The following OLA1 variants were observed in gnomAD, a reference collection of about 807,000 sequenced individuals.
OLA1 encodes the protein obg-like ATPase 1.
In OLA1, 14 loss-of-function variants were observed where a neutral mutation model predicts 48.4. The ratio of observed to expected loss-of-function variants is 0.29; its 90% CI spans 0.19 to 0.45. The LOEUF is 0.45. Among genes scored for constraint, OLA1 ranks in the 20% least tolerant of loss-of-function variants. The pLI is 1.00. For synonymous variants in OLA1, 127 were observed against 150.4 expected (o/e 0.84, Z 1.14); for missense variants, 325 against 467.1 (o/e 0.70, Z 2.80).
intron 4 of OLA1, among the ~76,000 whole-genome samples, chr2:174,208,784 C>A (rs1559005867): frequency 6.6e-6 from 1 of 152,208 alleles, no homozygotes; most frequent in Non-Finnish European, 1.5e-5. Context: ...TCCACACACA[C>A]AACTTCTTAT....
chr2:174,072,643 C>A lies in OLA1; in HGVS notation c.*2783G>T, dbSNP rs983843384. The A allele has an allele frequency of 6.6e-6, 1 of 152,110 alleles. No individual in the cohort carries two copies. Among genetic ancestry groups the A allele is most frequent in the Non-Finnish European group, 1.5e-5 (1 of 68,014 alleles). 9.4% of individuals were successfully genotyped at this position (152,110 alleles called of 1,614,324 possible). On this transcript the variant is annotated 3_prime_UTR_variant, in exon 11 of 11. Coordinates refer to ENST00000284719, the MANE Select transcript of OLA1 (RefSeq NM_013341.5). ...TAGAAGAGGCAGGAGGAGGAGATAC[C>A]GTCTCTGACTCTCTGAATGAAAGGA...
chr2:174,208,112 A>C (rs577771431), intron 4 of OLA1, among the ~76,000 whole-genome samples: 34 of 152,310 alleles, frequency 2.2e-4, no homozygotes, highest in African/African-American at 8.2e-4. Flanking sequence ...TTATAAATAC[A>C]GCAAAAAAAT....
At position 174,129,967 on chromosome 2, in the gene OLA1, T is replaced by C. The variant is rs550498385; in HGVS notation, c.550-6292A>G. 7.8e-4 allele frequency among the ~76,000 whole-genome samples: 119 copies of C among 152,230 alleles called. 1 individual carries two copies. In the Middle Eastern group the frequency reaches 0.017, roughly 22 times the overall value. On this transcript the variant is annotated intron_variant, in intron 5 of 10. Transcript: ENST00000284719. The stretch of plus-strand genomic sequence containing the variant: ...GATGAACTGACTTATGCTGGTTAGG[T>C]AGCTTTAACAAAGACAGCCAACAAT...
chr2:174,097,965 G>A (rs1412759105), intron 7 of OLA1, among the ~76,000 whole-genome samples: 1 of 152,124 alleles, frequency 6.6e-6, no homozygotes, highest in Non-Finnish European at 1.5e-5. Flanking sequence ...TCATAAAGGA[G>A]TAGACACTGA....
intron 4 of OLA1, among the ~76,000 whole-genome samples, chr2:174,173,117 T>C (rs182891134): frequency 1.3e-5 from 2 of 152,302 alleles, no homozygotes; most frequent in Non-Finnish European, 2.9e-5. Flanking sequence ...ATTACCCAGC[T>C]TCAGGTGTTT....
chr2:174,209,622 G>C (rs1184362738), intron 4 of OLA1, among the ~76,000 whole-genome samples: 2 of 152,068 alleles, frequency 1.3e-5, no homozygotes, highest in African/African-American at 4.8e-5. Context: ...GATTCAAGAA[G>C]TAGGGGCAAA....
intron 4 of OLA1, among the ~76,000 whole-genome samples, chr2:174,192,671 G>C (rs1022754061): frequency 3.3e-5 from 5 of 152,088 alleles, no homozygotes; most frequent in South Asian, 2.1e-4. Context: ...ATTTCTTGTA[G>C]AGTAGGTCTA....
At chr2:174,156,578 C>CTTTTTTTT (rs5836451) in intron 4 of OLA1, among the ~76,000 whole-genome samples, 2 of 74,202 alleles carry the variant, frequency 2.7e-5, no homozygotes, top group Non-Finnish European at 5.1e-5. Context: ...CTCCCACACT[C>CTTTTTTTT]TTTTTTTTTT....
intron 2 of OLA1, among the ~76,000 whole-genome samples, chr2:174,235,320 C>T (rs1380658342): frequency 6.6e-6 from 1 of 151,998 alleles, no homozygotes; most frequent in Non-Finnish European, 1.5e-5. Context: ...AAATAAGTCC[C>T]AAATCATAGA....
intron 7 of OLA1, among the ~76,000 whole-genome samples, chr2:174,084,837 C>T (rs1342771841): frequency 6.6e-6 from 1 of 152,092 alleles, no homozygotes; most frequent in Non-Finnish European, 1.5e-5. Flanking sequence ...TCTCTATGTA[C>T]AAATGTTAGC....
intron 4 of OLA1, among the ~76,000 whole-genome samples, chr2:174,185,135 A>G (rs1687627640): frequency 6.6e-6 from 1 of 152,164 alleles, no homozygotes; most frequent in Admixed American, 6.5e-5. Context: ...GCTCTTCACT[A>G]AGGCACTGTC....
At chr2:174,166,000 C>T (rs1687153150) in intron 4 of OLA1, among the ~76,000 whole-genome samples, 5 of 152,008 alleles carry the variant, frequency 3.3e-5, no homozygotes, top group Admixed American at 3.3e-4. Flanking sequence ...TGGCATGTGC[C>T]TGTAGTCCCC....
At chr2:174,092,483 G>A (rs1685152002) in intron 7 of OLA1, among the ~76,000 whole-genome samples, 1 of 151,592 alleles carries the variant, frequency 6.6e-6, no homozygotes, top group African/African-American at 2.4e-5. Context: ...TGGGCAACAT[G>A]GTGAAACCCC....
chr2:174,085,578 T>A (rs971448251), intron 7 of OLA1, among the ~76,000 whole-genome samples: 3 of 152,184 alleles, frequency 2.0e-5, no homozygotes, highest in African/African-American at 7.2e-5. Context: ...GTCTACAGAT[T>A]CTTCGGCAGA....
chr2:174,076,742 G>A (rs1684746452), intron 10 of OLA1, among the ~76,000 whole-genome samples: 1 of 151,018 alleles, frequency 6.6e-6, no homozygotes, highest in African/African-American at 2.4e-5. Flanking sequence ...TACAATTAAA[G>A]GCATATGTGT....
chr2:174,143,639 T>G (rs963576660), intron 4 of OLA1, among the ~76,000 whole-genome samples: 3 of 152,182 alleles, frequency 2.0e-5, no homozygotes, highest in Admixed American at 1.3e-4. Flanking sequence ...ATGGCAATTC[T>G]TAATTACAAC....
intron 2 of OLA1, among the ~76,000 whole-genome samples, chr2:174,231,578 T>C (rs1688730339): frequency 6.6e-6 from 1 of 152,160 alleles, no homozygotes; most frequent in Non-Finnish European, 1.5e-5. Flanking sequence ...TTAAAATGTA[T>C]CCCTTAAAAC....
intron 4 of OLA1, among the ~76,000 whole-genome samples, chr2:174,203,137 T>C (rs1688027650): frequency 1.3e-5 from 2 of 152,166 alleles, no homozygotes; most frequent in Admixed American, 1.3e-4. Context: ...AACATAATGA[T>C]CCTTCTACGT....
chr2:174,224,343 C>T (rs547489624), intron 3 of OLA1, among the ~76,000 whole-genome samples: 25 of 152,200 alleles, frequency 1.6e-4, no homozygotes, highest in Non-Finnish European at 3.1e-4. Context: ...CAGAGCCCAG[C>T]GCTTTGGAGA....
Sources: allele counts gnomAD v4.1 joint callset (sites outside exome capture counted in the v4.1 genomes callset), GRCh38; gene constraint gnomAD v4.1.1; transcripts MANE v1.5; gene names NCBI Gene and HGNC (gene_info 2026-07-23, HGNC 2026-07-21).